The following PECAM1 variants were observed in gnomAD, a reference collection of about 807,000 sequenced individuals.
The protein encoded by PECAM1 is platelet endothelial cell adhesion molecule.
Under a neutral mutation model 13.8 loss-of-function variants are expected in PECAM1, and 8 were observed. The ratio of observed to expected loss-of-function variants is 0.58; its 90% CI spans 0.34 to 1.05. The LOEUF (loss-of-function observed/expected upper bound fraction) is 1.05. Among genes scored for constraint, PECAM1 ranks in the 50% least tolerant of loss-of-function variants. The pLI, the probability that PECAM1 is intolerant of heterozygous loss-of-function variation, is 0.03. For missense variants in PECAM1, 304 were observed against 141.2 expected, an observed-to-expected ratio of 2.15 and a Z score of -5.84; for synonymous variants, 136 against 52.6, an observed-to-expected ratio of 2.58 and a Z score of -6.86.
At chr17:64,342,161 AAAG>A (rs60163225) in intron 13 of PECAM1, among the ~76,000 whole-genome samples, 5 of 145,192 alleles carry the variant, frequency 3.4e-5, no homozygotes, top group South Asian at 2.2e-4. Flanking sequence ...AAAAAAAAAA[AAAG>A]AAGAAGAAGA....
At chr17:64,355,610 C>G (rs1208415737) in intron 8 of PECAM1, among the ~76,000 whole-genome samples, 1 of 152,168 alleles carries the variant, frequency 6.6e-6, no homozygotes, top group Non-Finnish European at 1.5e-5. Flanking sequence ...CAGGTATGAG[C>G]CACTGCGCCC....
In PECAM1 at chr17:64,321,522, C is replaced by G; in HGVS notation, c.*2294G>C. 4 of 861,948 alleles carry G rather than the reference C, an allele frequency of 4.6e-6. No individual in the cohort carries two copies. In the African/African-American group the frequency reaches 7.3e-5, roughly 16 times the overall value. 53.4% of individuals were successfully genotyped at this position (861,948 alleles called of 1,614,324 possible). A position where few individuals can be genotyped will look rare whatever the true frequency, so the allele number is the denominator to read the frequency against. ...CCTGCAATCCCAGCACTTTGCGAGGCCAAGGAGGGAGGATCACTTGAGCCC... is the reference window on the plus strand; with the variant it reads ...CCTGCAATCCCAGCACTTTGCGAGGGCAAGGAGGGAGGATCACTTGAGCCC... On this transcript the variant is annotated 3_prime_UTR_variant, in exon 16 of 16. Transcript: ENST00000563924.
intron 13 of PECAM1, among the ~76,000 whole-genome samples, chr17:64,347,407 T>C (rs2035596484): frequency 1.3e-5 from 2 of 150,604 alleles, no homozygotes; most frequent in Non-Finnish European, 3.0e-5. Flanking sequence ...GGTGCATGCC[T>C]GTAATCCCAG....
intron 2 of PECAM1, among the ~76,000 whole-genome samples, chr17:64,387,085 G>A (rs2036610186): frequency 6.6e-6 from 1 of 152,190 alleles, no homozygotes; most frequent in Non-Finnish European, 1.5e-5. Flanking sequence ...CCATGGGGGA[G>A]AAGGAAGAGG....
At position 64,320,935 on chromosome 17, in the gene PECAM1, C is replaced by T. The variant is rs2034801902; in HGVS notation, c.*2881G>A. ...CCACCAGATGCCGGGAGCACACCCA[C>T]CCAGCTGTGACAACCAAAAATGTCT... is the stretch of plus-strand genomic sequence containing the variant. On this transcript the variant is annotated 3_prime_UTR_variant, in exon 16 of 16. Transcript: ENST00000563924. The T allele has an allele frequency of 6.6e-6, 1 of 152,208 alleles. No homozygotes were observed. The highest frequency in any genetic ancestry group is 2.4e-5 in the African/African-American group (1 of 41,444). 9.4% of individuals were successfully genotyped at this position (152,208 alleles called of 1,614,324 possible).
At chr17:64,338,425 C>T (rs2035340336) in intron 14 of PECAM1, among the ~76,000 whole-genome samples, 1 of 151,660 alleles carries the variant, frequency 6.6e-6, no homozygotes, top group African/African-American at 2.4e-5. Flanking sequence ...GTAAATGCCC[C>T]CATAAAATAT....
chr17:64,335,159 C>T (rs2143704752), intron 14 of PECAM1, among the ~76,000 whole-genome samples: 1 of 152,170 alleles, frequency 6.6e-6, no homozygotes, highest in East Asian at 1.9e-4. Context: ...AGCCCGAGGA[C>T]CACTGACCTG....
intron 14 of PECAM1, among the ~76,000 whole-genome samples, chr17:64,339,702 G>T (rs954935232): frequency 1.3e-5 from 2 of 152,162 alleles, no homozygotes; most frequent in Non-Finnish European, 2.9e-5. Flanking sequence ...ATTCCCCAGA[G>T]AATTGGTTTT....
intron 14 of PECAM1, among the ~76,000 whole-genome samples, chr17:64,335,440 C>G (rs1200136057): frequency 6.6e-6 from 1 of 151,648 alleles, no homozygotes; most frequent in Non-Finnish European, 1.5e-5. Flanking sequence ...CCAATTATGC[C>G]GATAACATGA....
intron 14 of PECAM1, among the ~76,000 whole-genome samples, chr17:64,341,403 G>A (rs2035427175): frequency 6.6e-6 from 1 of 152,222 alleles, no homozygotes; most frequent in Non-Finnish European, 1.5e-5. Context: ...AGGGTCACCG[G>A]CTGGGGTCAG....
chr17:64,322,890 A>G lies in PECAM1; in HGVS notation c.*926T>C, dbSNP rs2034841450. 5.7e-6 allele frequency: 2 copies of G among 348,878 alleles called. No individual in the cohort carries two copies. The highest frequency in any genetic ancestry group is 8.1e-6 in the Non-Finnish European group (2 of 248,006). 21.6% of individuals were successfully genotyped at this position (348,878 alleles called of 1,614,324 possible). A position where few individuals can be genotyped will look rare whatever the true frequency, so the allele number is the denominator to read the frequency against. ...GCCACCACGCCCGGCTAATTCTTGT[A>G]TTTTTAGTAGAGACAGGGTTTCATC... On this transcript the variant is annotated 3_prime_UTR_variant, in exon 16 of 16. Coordinates refer to ENST00000563924, the MANE Select transcript of PECAM1 (RefSeq NM_000442.5).
chr17:64,349,758 G>A (rs1363373331), intron 12 of PECAM1, among the ~76,000 whole-genome samples: 3 of 151,498 alleles, frequency 2.0e-5, no homozygotes, highest in East Asian at 2.0e-4. Flanking sequence ...GGTGGCAGGC[G>A]CCTGTAGTCC....
In PECAM1 at chr17:64,355,060, A is replaced by G. The variant is rs1272166300; in HGVS notation, c.1781-20T>C. On this transcript the variant is annotated intron_variant, in intron 8 of 15. Transcript: ENST00000563924. ...GAATGACTGAAAACAAAACAAAACAAAAAATTTTTTTTGTATATAGGCTCT... is the reference window on the plus strand; with the variant it reads ...GAATGACTGAAAACAAAACAAAACAGAAAATTTTTTTTGTATATAGGCTCT... The G allele has an allele frequency of 4.2e-6, 2 of 475,054 alleles. No homozygotes were observed. The highest frequency in any genetic ancestry group is 7.7e-6 in the Non-Finnish European group (2 of 258,952). 29.4% of individuals were successfully genotyped at this position (475,054 alleles called of 1,614,324 possible).
At chr17:64,383,314 G>A (rs1336513475) in intron 2 of PECAM1, among the ~76,000 whole-genome samples, 1 of 152,060 alleles carries the variant, frequency 6.6e-6, no homozygotes, top group African/African-American at 2.4e-5. Context: ...TAACCTCTCT[G>A]GGCCACCACG....
At chr17:64,345,616 G>T (rs1171313407) in intron 13 of PECAM1, among the ~76,000 whole-genome samples, 1 of 151,638 alleles carries the variant, frequency 6.6e-6, no homozygotes, top group East Asian at 1.9e-4. Flanking sequence ...AGGAGGCTGA[G>T]GCAGGAGAAT....
chr17:64,342,831 A>G (rs2035468967), intron 13 of PECAM1, among the ~76,000 whole-genome samples: 1 of 152,022 alleles, frequency 6.6e-6, no homozygotes. Context: ...ACACACGCAC[A>G]CTCATGCACA....
intron 12 of PECAM1, 76 bp from the exon 13 acceptor site, chr17:64,348,398 C>A: frequency 2.6e-6 from 1 of 391,776 alleles, no homozygotes; most frequent in Non-Finnish European, 4.5e-6. Flanking sequence ...GAAGTAGAGA[C>A]TTTCTTTTCT....
At chr17:64,369,714 C>A in intron 5 of PECAM1, 36 bp downstream of exon 5, 1 of 398,598 alleles carries the variant, frequency 2.5e-6, no homozygotes, top group East Asian at 3.6e-5. Flanking sequence ...CTTGAGCCCG[C>A]CATATGCCAA....
intron 2 of PECAM1, among the ~76,000 whole-genome samples, chr17:64,385,027 A>T (rs1215439069): frequency 1.3e-5 from 2 of 152,196 alleles, no homozygotes; most frequent in Non-Finnish European, 2.9e-5. Flanking sequence ...TGGGAGGTGC[A>T]TGGGTGGGTG....
Sources: allele counts gnomAD v4.1 joint callset (sites outside exome capture counted in the v4.1 genomes callset), GRCh38; gene constraint gnomAD v4.1.1; transcripts MANE v1.5; gene names NCBI Gene and HGNC (gene_info 2026-07-23, HGNC 2026-07-21).